Variants in CSMD1 observed in about 807,000 individuals in gnomAD.
CSMD1 encodes the protein CUB and sushi domain-containing protein 1.
A neutral mutation model predicts 417.5 loss-of-function variants in CSMD1; 213 were observed. The ratio of observed to expected loss-of-function variants is 0.51; its 90% CI spans 0.46 to 0.57. The LOEUF is 0.57. CSMD1 is among the 20% of genes least tolerant of loss of function. The pLI, the probability that CSMD1 is intolerant of heterozygous loss-of-function variation, is 0.00. For missense variants in CSMD1, 6,923 were observed against 4,529.7 expected, an observed-to-expected ratio of 1.53 and a Z score of -15.17; for synonymous variants, 2,862 against 1,736.8, an observed-to-expected ratio of 1.65 and a Z score of -16.11.
intron 7 of CSMD1, among the ~76,000 whole-genome samples, chr8:3,619,992 C>A (rs1423974269): frequency 6.6e-6 from 1 of 152,086 alleles, no homozygotes; most frequent in Admixed American, 6.6e-5. Flanking sequence ...ATCCCAGCTA[C>A]TTGGGAGGCT....
chr8:3,981,138 A>C (rs1280821512), intron 5 of CSMD1, among the ~76,000 whole-genome samples: 1 of 152,200 alleles, frequency 6.6e-6, no homozygotes, highest in Admixed American at 6.5e-5. Flanking sequence ...CCAGATGGAA[A>C]ACAGTGATAG....
At position 3,407,931 on chromosome 8, in the gene CSMD1, G is replaced by C. The variant is rs746854832; in HGVS notation, c.2039C>G (p.Thr680Ser). Residue 680 changes from threonine to serine, a missense_variant, in exon 14 of 70, where the codon ACT (threonine) becomes AGT (serine). Thr to Ser is a moderately conservative substitution (Grantham distance 58). Coordinates refer to ENST00000635120, the MANE Select transcript of CSMD1 (RefSeq NM_033225.6). Reference sequence around the variant, plus strand: ...AGTGATGTTGAACCCTCTGCCAGTAGTGGAATGGTCAGACTGAAATTCCAA... The same window carrying C: ...AGTGATGTTGAACCCTCTGCCAGTACTGGAATGGTCAGACTGAAATTCCAA... ...VRLEFQSDHS[T>S]TGRGFNITYT... The C allele has an allele frequency of 2.4e-5, 39 of 1,612,826 alleles. No individual in the cohort carries two copies. The highest frequency in any genetic ancestry group is 3.2e-5 in the Non-Finnish European group (38 of 1,179,260).
chr8:3,061,560 G>C (rs948412916), intron 49 of CSMD1, among the ~76,000 whole-genome samples: 1 of 152,066 alleles, frequency 6.6e-6, no homozygotes, highest in Non-Finnish European at 1.5e-5. Flanking sequence ...AGTTGGCCAG[G>C]GGTTGACAGT....
At chr8:4,619,647 G>A (rs1021252309) in intron 2 of CSMD1, among the ~76,000 whole-genome samples, 7 of 152,058 alleles carry the variant, frequency 4.6e-5, no homozygotes, top group Non-Finnish European at 1.0e-4. Flanking sequence ...CACATGGGAC[G>A]TCATATTTTT....
rs768096178 is a variant in CSMD1, at chr8:4,994,442, G to T, written c.-26C>A. 1.3e-6 allele frequency: 2 copies of T among 1,592,554 alleles called. No individual in the cohort carries two copies. The highest frequency in any genetic ancestry group is 1.7e-5 in the Admixed American group (1 of 59,908). The stretch of plus-strand genomic sequence containing the variant: ...GTCTGCAGATACTCCACACGCACGC[G>T]ACACCGATGGCTCCTCCGAGGAAGG... On this transcript the variant is annotated 5_prime_UTR_variant, in exon 1 of 70. Transcript: ENST00000635120.
intron 2 of CSMD1, among the ~76,000 whole-genome samples, chr8:4,427,969 T>G (rs1348390998): frequency 1.3e-5 from 2 of 152,220 alleles, no homozygotes; most frequent in Non-Finnish European, 2.9e-5. Context: ...TCTGACTCCT[T>G]GCTGTGACAC....
intron 5 of CSMD1, among the ~76,000 whole-genome samples, chr8:3,843,319 T>C (rs189679629): frequency 7.0e-4 from 107 of 152,310 alleles, no homozygotes; most frequent in African/African-American, 2.2e-3. Flanking sequence ...CTTTACCTCA[T>C]TGAACGAAAT....
At chr8:4,455,792 G>C (rs1031472016) in intron 2 of CSMD1, among the ~76,000 whole-genome samples, 1 of 151,328 alleles carries the variant, frequency 6.6e-6, no homozygotes, top group Non-Finnish European at 1.5e-5. Flanking sequence ...TTCGCTGGAT[G>C]TGGTGGCATG....
chr8:4,225,451 G>A (rs180933493), intron 3 of CSMD1, among the ~76,000 whole-genome samples: 166 of 148,836 alleles, frequency 1.1e-3, no homozygotes, highest in Non-Finnish European at 2.0e-3. Context: ...TATTTGTTTA[G>A]AAATAACAAT....
At chr8:3,557,612 T>C (rs921138807) in intron 10 of CSMD1, among the ~76,000 whole-genome samples, 1 of 152,194 alleles carries the variant, frequency 6.6e-6, no homozygotes, top group African/African-American at 2.4e-5. Context: ...CTTGAGGCTT[T>C]CTTTCCTCTG....
intron 66 of CSMD1, 95 bp from the exon 67 acceptor site, chr8:2,950,438 A>G: frequency 2.8e-6 from 2 of 727,212 alleles, no homozygotes; most frequent in Non-Finnish European, 4.9e-6. Flanking sequence ...GGAGATGATA[A>G]TATCATCGAT....
chr8:3,320,658 G>A (rs565520799), intron 23 of CSMD1, among the ~76,000 whole-genome samples: 6 of 152,178 alleles, frequency 3.9e-5, no homozygotes, highest in Admixed American at 1.3e-4. Flanking sequence ...GCATTGGGAC[G>A]CAAGAGCGCA....
intron 1 of CSMD1, among the ~76,000 whole-genome samples, chr8:4,701,009 T>A (rs1339652174): frequency 6.6e-6 from 1 of 152,184 alleles, no homozygotes; most frequent in Non-Finnish European, 1.5e-5. Flanking sequence ...CTGGGGTTTA[T>A]CGGTGAACGG....
At chr8:4,885,703 A>C (rs2116976572) in intron 1 of CSMD1, among the ~76,000 whole-genome samples, 1 of 151,556 alleles carries the variant, frequency 6.6e-6, no homozygotes, top group South Asian at 2.1e-4. Flanking sequence ...TTAGAGATAT[A>C]ATAAAGATAT....
intron 3 of CSMD1, among the ~76,000 whole-genome samples, chr8:4,093,485 AG>A (rs1444875698): frequency 6.6e-6 from 1 of 152,232 alleles, no homozygotes; most frequent in Non-Finnish European, 1.5e-5. Flanking sequence ...GAAGTTACAT[AG>A]ATGTTATGTT....
intron 54 of CSMD1, among the ~76,000 whole-genome samples, chr8:2,982,891 C>T (rs1204577038): frequency 1.3e-5 from 2 of 152,132 alleles, no homozygotes; most frequent in Admixed American, 6.5e-5. Context: ...GCACGCTGGT[C>T]TCTTATAGGC....
intron 6 of CSMD1, among the ~76,000 whole-genome samples, chr8:3,731,647 G>T (rs1353307728): frequency 2.0e-5 from 3 of 152,114 alleles, no homozygotes; most frequent in Non-Finnish European, 4.4e-5. Context: ...AAGAAGATAG[G>T]AATTATGCTC....
intron 3 of CSMD1, among the ~76,000 whole-genome samples, chr8:4,392,072 G>C (rs566539543): frequency 5.8e-4 from 89 of 152,304 alleles, no homozygotes; most frequent in African/African-American, 2.0e-3. Flanking sequence ...GACACCATGG[G>C]TCTGCAGCTG....
intron 54 of CSMD1, among the ~76,000 whole-genome samples, chr8:2,989,273 G>A (rs1274164041): frequency 6.6e-6 from 1 of 152,020 alleles, no homozygotes; most frequent in African/African-American, 2.4e-5. Context: ...TGTCCTCTTT[G>A]AAATATTGTT....
Sources: gnomAD v4.1 joint callset for allele counts (sites outside exome capture counted in the v4.1 genomes callset) on GRCh38, gnomAD v4.1.1 for gene constraint, MANE v1.5 for transcripts, NCBI Gene and HGNC (gene_info 2026-07-23, HGNC 2026-07-21) for gene names.